PGBD1: variants seen among roughly 807,000 people sequenced by gnomAD.
PGBD1 encodes piggyBac transposable element derived 1, also known as piggyBac transposable element-derived protein 1.
Under a neutral mutation model 34.7 loss-of-function variants are expected in PGBD1, and 25 were observed. That is an observed-to-expected ratio of 0.72 (90% CI 0.52 to 1.00). The LOEUF is 1.00. Among genes scored for constraint, PGBD1 ranks in the 50% least tolerant of loss-of-function variants. The pLI, the probability that PGBD1 is intolerant of heterozygous loss-of-function variation, is 0.00. For synonymous variants in PGBD1, 292 were observed against 335.7 expected (o/e 0.87, Z 1.42); for missense variants, 830 against 959.4 (o/e 0.87, Z 1.78).
Position 28,301,516 on chromosome 6 carries a change from T to C in PGBD1, c.1662T>C (p.Asp554=). The change falls in exon 7 of 7, where the codon GAT becomes GAC. Residue 554 remains aspartate (D), a synonymous_variant. Transcript: ENST00000682144. ...CFDKSMCECF[D]SDQFLNGKPI... is the part of the protein sequence containing the mutation. ...ATAAGTCAATGTGTGAATGCTTTGATAGTGACCAATTCCTGAATGGAAAGC... is the reference window on the plus strand; with the variant it reads ...ATAAGTCAATGTGTGAATGCTTTGACAGTGACCAATTCCTGAATGGAAAGC... 6.2e-7 allele frequency: 1 copy of C among 1,614,176 alleles called. No homozygotes were observed. Among genetic ancestry groups the C allele is most frequent in the Non-Finnish European group, 8.5e-7 (1 of 1,180,022 alleles).
At chr6:28,282,015 A>G (rs758865977) in intron 1 of PGBD1, 97 bp downstream of exon 1, 6 of 152,078 alleles carry the variant, frequency 3.9e-5, no homozygotes, top group Non-Finnish European at 7.3e-5. Context: ...CGAGATGGAG[A>G]TGAGGGTTGG....
At chr6:28,297,274 C>T (rs1762673328) in intron 5 of PGBD1, among the ~76,000 whole-genome samples, 2 of 152,156 alleles carry the variant, frequency 1.3e-5, no homozygotes, top group Admixed American at 1.3e-4. Context: ...TCAGATATCC[C>T]TTCATACTTG....
At chr6:28,286,833 G>T (rs557268345) in intron 3 of PGBD1, among the ~76,000 whole-genome samples, 2 of 152,138 alleles carry the variant, frequency 1.3e-5, no homozygotes, top group East Asian at 3.9e-4. Flanking sequence ...GTGCATGACT[G>T]TAAAGCACCT....
At position 28,287,130 on chromosome 6, in the gene PGBD1, A is replaced by G. The variant is rs1428051259; in HGVS notation, c.604A>G (p.Lys202Glu). The G allele has an allele frequency of 6.2e-7, 1 of 1,613,940 alleles. No homozygotes were observed. Among genetic ancestry groups the G allele is most frequent in the East Asian group, 2.2e-5 (1 of 44,878 alleles). The change falls in exon 4 of 7, where the codon AAG becomes GAG. Residue 202 changes from lysine (K) to glutamate (E), a missense_variant. Transcript: ENST00000682144. ...AHLQEKNPRD[K>E]AVVPVFNPVR... ...TCTCCAGGAAAAAAACCCCAGAGAC[A>G]AGGCTGTAGTGCCTGTGTTTAACCC... is the stretch of plus-strand genomic sequence containing the variant.
chr6:28,287,171 A>G lies in PGBD1; in HGVS notation c.642+3A>G, dbSNP rs1239408834. On this transcript the variant is annotated splice_donor_region_variant and intron_variant, in intron 4 of 6. Coordinates refer to ENST00000682144, the MANE Select transcript of PGBD1 (RefSeq NM_032507.4). ...TGTTTAACCCAGTCAGGTCCCAGGT[A>G]AGTAGGATGCCCAAGCTTGTAGGAA... 5.0e-6 allele frequency: 8 copies of G among 1,607,330 alleles called. No homozygotes were observed. The highest frequency in any genetic ancestry group is 1.3e-5 in the African/African-American group (1 of 74,726).
At position 28,300,929 on chromosome 6, in the gene PGBD1, T is replaced by G. The variant is rs758621882; in HGVS notation, c.1075T>G (p.Phe359Val). 6.2e-7 allele frequency: 1 copy of G among 1,614,130 alleles called. No individual in the cohort carries two copies. Residue 359 changes from phenylalanine to valine, a missense_variant, in exon 7 of 7, where the codon TTC (phenylalanine) becomes GTC (valine). Phe to Val is a conservative substitution (Grantham distance 50). Around this residue, in one of 3 missense-constraint regions of PGBD1, gnomAD observed 457 missense variants for 515.4 expected, o/e 0.89. Coordinates refer to ENST00000682144, the MANE Select transcript of PGBD1 (RefSeq NM_032507.4). The surrounding 1 kb of genome is among the most constrained non-coding windows in gnomAD (Gnocchi z 4.0). The stretch of plus-strand genomic sequence containing the variant: ...GAGTGAACTGCTCCAAGGCCTCTCA[T>G]TCTCTGGTGACTCAGATGTGGAAAA... The part of the protein sequence containing the change: ...RVSELLQGLS[F>V]SGDSDVEKDN...
chr6:28,287,312 A>T (rs1452416576), intron 4 of PGBD1, 144 bp downstream of exon 4: 2 of 708,038 alleles, frequency 2.8e-6, no homozygotes, highest in Non-Finnish European at 5.1e-6. Context: ...CTTGTCACAG[A>T]ATATCACAAA....
chr6:28,300,664 A>G lies in PGBD1; in HGVS notation c.870-60A>G, dbSNP rs1762798927. The G allele has an allele frequency of 6.6e-7, 1 of 1,518,234 alleles. No individual in the cohort carries two copies. 94.0% of individuals were successfully genotyped at this position (1,518,234 alleles called of 1,614,324 possible). On this transcript the variant is annotated intron_variant, in intron 6 of 6. Coordinates refer to ENST00000682144, the MANE Select transcript of PGBD1 (RefSeq NM_032507.4). The surrounding 1 kb of genome is among the most constrained non-coding windows in gnomAD (Gnocchi z 4.0). ...AAAAGATTTAAGCTTCAGCAGATTTATCATGTGTGAGAGAATATGATTGAG... is the reference window on the plus strand; with the variant it reads ...AAAAGATTTAAGCTTCAGCAGATTTGTCATGTGTGAGAGAATATGATTGAG...
At chr6:28,284,319 G>C in intron 2 of PGBD1, 110 bp downstream of exon 2, 3 of 1,240,396 alleles carry the variant, frequency 2.4e-6, no homozygotes, top group Non-Finnish European at 3.2e-6. Flanking sequence ...AGTATTAGAA[G>C]AATAGAGAAC....
chr6:28,301,699 A>T lies in PGBD1; in HGVS notation c.1845A>T (p.Leu615Phe). The T allele has an allele frequency of 6.2e-7, 1 of 1,614,142 alleles. No individual in the cohort carries two copies. The highest frequency in any genetic ancestry group is 8.5e-7 in the Non-Finnish European group (1 of 1,180,006). ...TGATGAACTTCGCTGATGTTCTTTT[A>T]GAGAGAGGTCAGTATCCCTATCACC... Reference protein sequence around the residue: ...NLVMNFADVLLERGQYPYHLC... With the variant: ...NLVMNFADVLFERGQYPYHLC... The change falls in exon 7 of 7, where the codon TTA becomes TTT. Residue 615 changes from leucine to phenylalanine, a missense_variant. By Grantham distance (22) the Leu-to-Phe change is conservative. This residue lies in a region of PGBD1 where 372 missense variants were observed against 427.9 expected (regional missense o/e 0.87). Coordinates refer to ENST00000682144, the MANE Select transcript of PGBD1 (RefSeq NM_032507.4).
At chr6:28,285,728 A>C in intron 3 of PGBD1, 21 bp downstream of exon 3, 1 of 1,606,310 alleles carries the variant, frequency 6.2e-7, no homozygotes, top group Non-Finnish European at 8.5e-7. Flanking sequence ...GAGTGAGTTT[A>C]GTGAGGACGC....
rs1456911832 is a variant in PGBD1 at position 28,300,956 on chromosome 6, GATA to G, written c.1105_1107del (p.Asn369del). ...CTCTGGTGACTCAGATGTGGAAAAA[GATA>G]ATGAGCCTGAGATCCAGCCTGCTCA... On this transcript the variant is annotated inframe_deletion, in exon 7 of 7. Transcript: ENST00000682144. This position sits in a 1 kb window ranked among gnomAD's most constrained non-coding sequence, Gnocchi z 4.0. The G allele has an allele frequency of 6.2e-7, 1 of 1,614,096 alleles. No homozygotes were observed. Among genetic ancestry groups the G allele is most frequent in the South Asian group, 1.1e-5 (1 of 91,086 alleles).
intron 6 of PGBD1, among the ~76,000 whole-genome samples, chr6:28,298,373 G>A (rs1016445280): frequency 3.9e-5 from 6 of 152,014 alleles, no homozygotes; most frequent in African/African-American, 9.7e-5. Context: ...ATGTCAGAGT[G>A]GAAGAGGACA....
chr6:28,284,523 T>C (rs993494207), intron 2 of PGBD1, among the ~76,000 whole-genome samples: 2 of 152,006 alleles, frequency 1.3e-5, no homozygotes, highest in Non-Finnish European at 2.9e-5. Context: ...TTGCAAACAC[T>C]ATATCCCTTT....
intron 1 of PGBD1, among the ~76,000 whole-genome samples, 181 bp downstream of exon 1, chr6:28,282,099 G>T (rs1415077036): frequency 6.6e-6 from 1 of 152,174 alleles, no homozygotes; most frequent in African/African-American, 2.4e-5. Context: ...TAGGGTTAGG[G>T]GTTGCCAGGG....
rs369049968 is a variant in PGBD1 at position 28,301,550 on chromosome 6, A to C, written c.1696A>C (p.Ile566Leu). Reference protein sequence around the residue: ...DQFLNGKPIRIGYKIWCGTTT... With the variant: ...DQFLNGKPIRLGYKIWCGTTT... ...ATTCCTGAATGGAAAGCCTATTAGA[A>C]TTGGCTATAAAATTTGGTGTGGTAC... The change falls in exon 7 of 7, where the codon ATT (isoleucine) becomes CTT (leucine). Residue 566 changes from isoleucine to leucine, a missense_variant. Physicochemically the swap from Ile to Leu is conservative, Grantham distance 5 (BLOSUM62 2). Transcript: ENST00000682144. 6.2e-6 allele frequency: 10 copies of C among 1,614,072 alleles called. No individual in the cohort carries two copies. The highest frequency in any genetic ancestry group is 8.5e-6 in the Non-Finnish European group (10 of 1,180,044).
At chr6:28,286,124 G>A (rs1368446343) in intron 3 of PGBD1, among the ~76,000 whole-genome samples, 2 of 152,226 alleles carry the variant, frequency 1.3e-5, no homozygotes, top group Non-Finnish European at 2.9e-5. Flanking sequence ...AATAGTAAAA[G>A]TGAATCGGGG....
Position 28,297,018 on chromosome 6 carries a change from G to A in PGBD1, c.772+73G>A, listed in dbSNP as rs953954244. 8.9e-6 allele frequency: 14 copies of A among 1,568,422 alleles called. No individual in the cohort carries two copies. The African/African-American group carries it at 1.2e-4, about 14-fold the overall frequency. ...TGTCACTCACCCTGGCTTGGCCCTT[G>A]GGAGGCCACGTTTCCTACAGACCCA... On this transcript the variant is annotated intron_variant, in intron 5 of 6. Coordinates refer to ENST00000682144, the MANE Select transcript of PGBD1 (RefSeq NM_032507.4).
At chr6:28,296,787 G>A in intron 4 of PGBD1, 29 bp from the exon 5 acceptor site, 1 of 1,612,842 alleles carries the variant, frequency 6.2e-7, no homozygotes, top group Non-Finnish European at 8.5e-7. Flanking sequence ...TGAAAACAAA[G>A]AGGCTATTTT....
Sources: allele counts gnomAD v4.1 joint callset (sites outside exome capture counted in the v4.1 genomes callset), GRCh38; gene constraint gnomAD v4.1.1; regional missense constraint gnomAD v4.1.1; non-coding constraint Gnocchi (gnomAD v3.1); transcripts MANE v1.5; gene names NCBI Gene and HGNC (gene_info 2026-07-23, HGNC 2026-07-21).